The following RPS7 variants were observed in gnomAD, a reference collection of about 807,000 sequenced individuals.
RPS7 encodes the protein ribosomal protein S7.
A neutral mutation model predicts 22.1 loss-of-function variants in RPS7; 1 was observed. That is an observed-to-expected ratio of 0.05 (90% CI 0.02 to 0.21). The LOEUF (loss-of-function observed/expected upper bound fraction) is 0.21. RPS7 is among the 10% of genes least tolerant of loss of function. The probability of loss-of-function intolerance (pLI) is 1.00; values close to 1 mark genes in which losing one functional copy is unlikely to be tolerated. For synonymous variants in RPS7, 80 were observed against 92.0 expected, an observed-to-expected ratio of 0.87 and a Z score of 0.74; for missense variants, 137 against 246.4, an observed-to-expected ratio of 0.56 and a Z score of 2.97.
At chr2:3,576,202 TGA>T in intron 3 of RPS7, 1 of 591,862 alleles carries the variant, frequency 1.7e-6, no homozygotes, top group Admixed American at 3.0e-5. Context: ...GAGCTCAGGA[TGA>T]GATTCTCTCT....
intron 6 of RPS7, chr2:3,580,549 C>T: frequency 3.2e-6 from 2 of 624,324 alleles, no homozygotes; most frequent in Non-Finnish European, 5.7e-6. Context: ...GTGATGGGAT[C>T]AGTGTCTTGG....
chr2:3,577,902 G>A (rs1269856795), intron 5 of RPS7, 128 bp downstream of exon 5: 33 of 691,852 alleles, frequency 4.8e-5, no homozygotes, highest in Middle Eastern at 2.5e-4. Flanking sequence ...TTGGTTTCCT[G>A]TATAGTTGCA....
chr2:3,579,078 A>C (rs562984534), intron 5 of RPS7: 1 of 152,356 alleles, frequency 6.6e-6, no homozygotes, highest in African/African-American at 2.4e-5. Flanking sequence ...TTTCCTCTAA[A>C]GCGCTCCAGT....
intron 4 of RPS7, 150 bp downstream of exon 4, chr2:3,576,780 C>T (rs896332135): frequency 3.0e-6 from 3 of 1,008,882 alleles, no homozygotes; most frequent in African/African-American, 1.6e-5. Flanking sequence ...AGCGCCGTGG[C>T]TTAGGCCTGT....
Position 3,577,135 on chromosome 2 carries a change from A to G in RPS7, c.291+505A>G, listed in dbSNP as rs182590130. 2.8e-3 allele frequency: 577 copies of G among 204,406 alleles called. 9 individuals carry two copies. Among genetic ancestry groups the G allele is most frequent in the African/African-American group, 0.013 (536 of 42,390 alleles). 12.7% of individuals were successfully genotyped at this position (204,406 alleles called of 1,614,324 possible). ...CGGATCACGAGGTCAGGAGATCGAG[A>G]CCATCCTGGCTGACACGGTGAAACC... On this transcript the variant is annotated intron_variant, in intron 4 of 6. Transcript: ENST00000645674.
intron 6 of RPS7, 105 bp from the exon 7 acceptor site, chr2:3,580,700 T>C: frequency 1.3e-6 from 1 of 750,470 alleles, no homozygotes; most frequent in Non-Finnish European, 2.4e-6. Flanking sequence ...GTGTACTTAG[T>C]TGCTGAGGAG....
chr2:3,580,014 G>C (rs2147822332), intron 5 of RPS7, 96 bp from the exon 6 acceptor site: 7 of 1,128,560 alleles, frequency 6.2e-6, no homozygotes, highest in Non-Finnish European at 9.5e-6. Context: ...AGGAACCTGG[G>C]ATTTGCATTT....
At chr2:3,577,511 T>C (rs1661307744) in intron 4 of RPS7, 199 bp from the exon 5 acceptor site, 7 of 596,794 alleles carry the variant, frequency 1.2e-5, no homozygotes, top group Non-Finnish European at 2.1e-5. Flanking sequence ...CTGTGGATTC[T>C]GAATGATTTA....
intron 6 of RPS7, chr2:3,580,548 T>A: frequency 1.6e-6 from 1 of 624,662 alleles, no homozygotes; most frequent in Non-Finnish European, 2.8e-6. Context: ...GGTGATGGGA[T>A]CAGTGTCTTG....
chr2:3,576,280 A>G, intron 3 of RPS7: 1 of 645,374 alleles, frequency 1.5e-6, no homozygotes, highest in East Asian at 2.7e-5. Flanking sequence ...CCTGGCCTGA[A>G]CAGTCTCCCT....
intron 4 of RPS7, 43 bp downstream of exon 4, chr2:3,576,673 T>C (rs1306674612): frequency 6.2e-7 from 1 of 1,609,668 alleles, no homozygotes; most frequent in South Asian, 1.1e-5. Flanking sequence ...TTGTGAATTT[T>C]GCTAAAATTG....
Position 3,576,427 on chromosome 2 carries a change from T to G in RPS7, c.148-60T>G, listed in dbSNP as rs1034898909. The G allele has an allele frequency of 3.6e-5, 53 of 1,478,590 alleles. No individual in the cohort carries two copies. In the African/African-American group the frequency reaches 7.2e-4, roughly 20 times the overall value. 91.6% of individuals were successfully genotyped at this position (1,478,590 alleles called of 1,614,324 possible). A position where few individuals can be genotyped will look rare whatever the true frequency, so the allele number is the denominator to read the frequency against. On this transcript the variant is annotated intron_variant, in intron 3 of 6. Transcript: ENST00000645674. ...GATAAGGTCTTCTTATCCTCTAATT[T>G]GACCACAACGTTTACTTTCTGAAGC... is the stretch of plus-strand genomic sequence containing the variant.
intron 5 of RPS7, 45 bp from the exon 6 acceptor site, chr2:3,580,065 G>A (rs1357781844): frequency 1.2e-6 from 2 of 1,606,276 alleles, no homozygotes; most frequent in South Asian, 1.1e-5. Context: ...GTTGCCCAGA[G>A]GGCAGGCGTT....
chr2:3,575,854 C>T lies in RPS7; in HGVS notation c.113C>T (p.Ala38Val), dbSNP rs929660330. ...LELEMNSDLK[A>V]QLRELNITAA... ...CTGGAGATGAACTCGGACCTCAAGG[C>T]TCAGCTCAGGGAGCTGAATATTACG... Residue 38 changes from alanine (A) to valine (V), a missense_variant, in exon 3 of 7, where the codon GCT (alanine) becomes GTT (valine). This residue lies in a region of RPS7 where 63 missense variants were observed against 75.0 expected (regional missense o/e 0.84). Transcript: ENST00000645674. 9 of 1,611,628 alleles carry T rather than the reference C, an allele frequency of 5.6e-6. No individual in the cohort carries two copies. The East Asian group carries it at 6.7e-5, about 12-fold the overall frequency.
chr2:3,577,495 T>G, intron 4 of RPS7: 1 of 583,702 alleles, frequency 1.7e-6, no homozygotes, highest in Non-Finnish European at 3.1e-6. Flanking sequence ...GGCGTATTAG[T>G]AGAGGCTGTG....
chr2:3,575,971 G>C, intron 3 of RPS7, 83 bp downstream of exon 3: 1 of 1,010,642 alleles, frequency 9.9e-7, no homozygotes. Flanking sequence ...CCTGGGTTAC[G>C]GTTGATGATG....
intron 3 of RPS7, chr2:3,576,185 C>A (rs144343279): frequency 1.0e-5 from 6 of 590,846 alleles, no homozygotes; most frequent in African/African-American, 9.3e-5. Context: ...CGGCAAAGAG[C>A]TGTGGGGAGC....
chr2:3,579,489 CAAA>C (rs1240306028), intron 5 of RPS7: 4 of 161,034 alleles, frequency 2.5e-5, no homozygotes, highest in Admixed American at 2.3e-4. Flanking sequence ...AATGCTGAAA[CAAA>C]GAACCGTCTC....
At chr2:3,576,911 T>G in intron 4 of RPS7, 1 of 444,476 alleles carries the variant, frequency 2.2e-6, no homozygotes, top group Admixed American at 3.5e-5. Flanking sequence ...ATAAAGTACG[T>G]TCTTTAATTA....
Sources: gnomAD v4.1 joint callset for allele counts on GRCh38, gnomAD v4.1.1 for gene constraint, gnomAD v4.1.1 regional missense constraint, MANE v1.5 for transcripts, NCBI Gene and HGNC (gene_info 2026-07-23, HGNC 2026-07-21) for gene names.